MYO5B: variants seen among roughly 807,000 people sequenced by gnomAD.
MYO5B encodes myosin VB.
MYO5B carries 143 observed loss-of-function variants against 229.3 expected under a neutral mutation model. The ratio of observed to expected loss-of-function variants is 0.62; its 90% CI spans 0.54 to 0.72. MYO5B has a LOEUF of 0.72. Among genes scored for constraint, MYO5B ranks in the 30% least tolerant of loss-of-function variants. The pLI, the probability that MYO5B is intolerant of heterozygous loss-of-function variation, is 0.00. For synonymous variants in MYO5B, 918 were observed against 885.2 expected, an observed-to-expected ratio of 1.04 and a Z score of -0.66; for missense variants, 2,321 against 2,331.0, an observed-to-expected ratio of 1.00 and a Z score of 0.09.
intron 1 of MYO5B, among the ~76,000 whole-genome samples, chr18:50,112,196 G>T (rs1334796232): frequency 6.6e-6 from 1 of 152,148 alleles, no homozygotes; most frequent in African/African-American, 2.4e-5. Flanking sequence ...CCTAAATATT[G>T]AGTAGGGAAA....
chr18:49,967,744 G>A (rs1373496275), intron 10 of MYO5B, among the ~76,000 whole-genome samples: 1 of 152,098 alleles, frequency 6.6e-6, no homozygotes, highest in African/African-American at 2.4e-5. Flanking sequence ...CTGTCAGAGA[G>A]GCCAACCCTT....
At chr18:49,847,382 G>A in intron 32 of MYO5B, 93 bp from the exon 33 acceptor site, 1 of 1,488,388 alleles carries the variant, frequency 6.7e-7, no homozygotes, top group South Asian at 1.2e-5. Context: ...GATGGGACCT[G>A]GGGCAGGGGA....
intron 1 of MYO5B, among the ~76,000 whole-genome samples, chr18:50,118,046 T>C (rs1005179900): frequency 2.6e-4 from 39 of 152,284 alleles, no homozygotes; most frequent in African/African-American, 7.7e-4. Flanking sequence ...ACCGGCCTGA[T>C]GAAAATGGCC....
chr18:49,946,244 G>A (rs1214435942), intron 14 of MYO5B: 7 of 152,074 alleles, frequency 4.6e-5, no homozygotes, highest in Non-Finnish European at 1.0e-4. Flanking sequence ...TATACTTACT[G>A]GTTGAGCATC....
chr18:50,051,423 G>T (rs1263390996), intron 2 of MYO5B, among the ~76,000 whole-genome samples: 4 of 152,174 alleles, frequency 2.6e-5, no homozygotes, highest in Admixed American at 6.5e-5. Context: ...GTTGGAAAAT[G>T]AAATTTAAAT....
intron 1 of MYO5B, among the ~76,000 whole-genome samples, chr18:50,180,028 G>A (rs1340486862): frequency 1.3e-5 from 2 of 152,160 alleles, no homozygotes; most frequent in Non-Finnish European, 2.9e-5. Flanking sequence ...CTGAAGATCT[G>A]ACAGGTGGTC....
chr18:49,993,960 G>A (rs946851412), intron 5 of MYO5B, among the ~76,000 whole-genome samples: 3 of 152,058 alleles, frequency 2.0e-5, no homozygotes, highest in East Asian at 1.9e-4. Flanking sequence ...CCTTGGTCCC[G>A]GCTTCTAACA....
At chr18:50,185,456 G>T (rs972501450) in intron 1 of MYO5B, among the ~76,000 whole-genome samples, 1 of 152,126 alleles carries the variant, frequency 6.6e-6, no homozygotes, top group African/African-American at 2.4e-5. Context: ...AATAAATGAG[G>T]TTACAAGAAC....
At chr18:50,132,345 C>A (rs984087981) in intron 1 of MYO5B, among the ~76,000 whole-genome samples, 3 of 152,156 alleles carry the variant, frequency 2.0e-5, no homozygotes, top group African/African-American at 7.2e-5. Context: ...AGTTACTAAA[C>A]CTCTCTGGGT....
chr18:50,183,306 CATAT>C (rs71169486), intron 1 of MYO5B, among the ~76,000 whole-genome samples: 3,718 of 109,952 alleles, frequency 0.034, 248 homozygotes, highest in African/African-American at 0.12. Context: ...TCAATTTTAT[CATAT>C]ATATATATAT....
chr18:49,855,595 T>C (rs1827105628), intron 30 of MYO5B, among the ~76,000 whole-genome samples: 2 of 152,218 alleles, frequency 1.3e-5, no homozygotes, highest in South Asian at 4.1e-4. Flanking sequence ...TATTTATTAT[T>C]CCATGGTTAC....
chr18:50,164,182 C>T (rs1371827695), intron 1 of MYO5B, among the ~76,000 whole-genome samples: 1 of 152,192 alleles, frequency 6.6e-6, no homozygotes, highest in Non-Finnish European at 1.5e-5. Context: ...TCAGGAGACT[C>T]GCTACTCCAA....
At chr18:49,833,727 A>G (rs1376470950) in intron 39 of MYO5B, among the ~76,000 whole-genome samples, 1 of 152,200 alleles carries the variant, frequency 6.6e-6, no homozygotes, top group Non-Finnish European at 1.5e-5. Flanking sequence ...GCACTTTTGT[A>G]TAAATTATCA....
intron 31 of MYO5B, among the ~76,000 whole-genome samples, chr18:49,851,945 C>T (rs1329976232): frequency 2.0e-5 from 3 of 152,146 alleles, no homozygotes; most frequent in Non-Finnish European, 4.4e-5. Flanking sequence ...ATGAGGAGGA[C>T]CACGTTCTGG....
At chr18:49,869,815 C>G (rs11659310) in intron 27 of MYO5B, among the ~76,000 whole-genome samples, 36,497 of 151,808 alleles carry the variant, frequency 0.24, 4,528 homozygotes, top group East Asian at 0.42. Flanking sequence ...CAGCAGGTCT[C>G]GGGGGTGGGG....
chr18:49,975,875 A>G (rs1215785678), intron 9 of MYO5B, among the ~76,000 whole-genome samples: 1 of 152,096 alleles, frequency 6.6e-6, no homozygotes, highest in East Asian at 1.9e-4. Context: ...GTGAGTCTTG[A>G]CCCTCATTTA....
intron 10 of MYO5B, among the ~76,000 whole-genome samples, chr18:49,965,622 T>C (rs1217884159): frequency 6.6e-6 from 1 of 152,150 alleles, no homozygotes; most frequent in Non-Finnish European, 1.5e-5. Context: ...GCCTTATTAT[T>C]AATCCCATCC....
chr18:49,900,333 C>T (rs1206139351), intron 21 of MYO5B, among the ~76,000 whole-genome samples: 2 of 152,224 alleles, frequency 1.3e-5, no homozygotes, highest in Non-Finnish European at 2.9e-5. Context: ...TCCTCCCTGA[C>T]CTGGTGTATC....
At chr18:49,911,185 G>A (rs983808328) in intron 18 of MYO5B, among the ~76,000 whole-genome samples, 3 of 152,228 alleles carry the variant, frequency 2.0e-5, no homozygotes, top group African/African-American at 7.2e-5. Flanking sequence ...CCCTTACCCA[G>A]GTGTACCAGA....
Sources: gnomAD v4.1 joint callset for allele counts (sites outside exome capture counted in the v4.1 genomes callset) on GRCh38, gnomAD v4.1.1 for gene constraint, MANE v1.5 for transcripts, NCBI Gene and HGNC (gene_info 2026-07-23, HGNC 2026-07-21) for gene names.